The following MDGA2 variants were observed in gnomAD, a reference collection of about 807,000 sequenced individuals.
MDGA2 encodes MAM domain-containing glycosylphosphatidylinositol anchor protein 2.
MDGA2 carries 40 observed loss-of-function variants against 117.8 expected under a neutral mutation model. The observed-to-expected ratio is 0.34, with a 90% CI of 0.26 to 0.44. The LOEUF (loss-of-function observed/expected upper bound fraction) is 0.44. Ranked by LOEUF, MDGA2 falls within the 20% of genes least tolerant of loss-of-function variation. The pLI, the probability that MDGA2 is intolerant of heterozygous loss-of-function variation, is 1.00. For missense variants in MDGA2, 1,123 were observed against 1,250.6 expected, an observed-to-expected ratio of 0.90 and a Z score of 1.54; for synonymous variants, 452 against 439.0, an observed-to-expected ratio of 1.03 and a Z score of -0.37.
chr14:46,928,875 T>A (rs556363520), intron 9 of MDGA2, among the ~76,000 whole-genome samples: 10 of 152,324 alleles, frequency 6.6e-5, no homozygotes, highest in African/African-American at 2.4e-4. Context: ...ATGTTTTCTA[T>A]AAAATCATTT....
intron 1 of MDGA2, among the ~76,000 whole-genome samples, chr14:47,355,881 C>T (rs80128274): frequency 0.021 from 3,218 of 152,260 alleles, 115 homozygotes; most frequent in African/African-American, 0.073. Flanking sequence ...TTGACAGTTT[C>T]TGAATGGGAA....
At chr14:47,363,484 C>G (rs1224699540) in intron 1 of MDGA2, among the ~76,000 whole-genome samples, 1 of 152,000 alleles carries the variant, frequency 6.6e-6, no homozygotes, top group Non-Finnish European at 1.5e-5. Context: ...TCATGAACTC[C>G]GGACCTCAAG....
chr14:47,340,123 C>T lies in MDGA2; in HGVS notation c.281-38573G>A, dbSNP rs558062052. On this transcript the variant is annotated intron_variant, in intron 1 of 16. Transcript: ENST00000399232. Reference sequence around the variant, plus strand: ...ATTGCAGTGCTGTTGGCTGGCTACTCGGAGAGGCCTTCCAGAGACAATCTT... The same window carrying T: ...ATTGCAGTGCTGTTGGCTGGCTACTTGGAGAGGCCTTCCAGAGACAATCTT... Among the ~76,000 whole-genome samples the T allele has an allele frequency of 7.8e-4, 119 of 152,170 alleles. 1 individual carries two copies. Among genetic ancestry groups the T allele is most frequent in the Middle Eastern group, 6.8e-3 (2 of 294 alleles).
Position 46,841,221 on chromosome 14 carries a change from TG to T in MDGA2, c.*709del, listed in dbSNP as rs1880597280. 6.6e-6 allele frequency: 1 copy of T among 152,482 alleles called. No individual in the cohort carries two copies. Among genetic ancestry groups the T allele is most frequent in the African/African-American group, 2.4e-5 (1 of 41,400 alleles). 9.4% of individuals were successfully genotyped at this position (152,482 alleles called of 1,614,324 possible). The stretch of plus-strand genomic sequence containing the variant: ...CCGCAAGCAAACTCCGATAAGCCTG[TG>T]TAACATGTAAGCCCAGGTTTACCAT... On this transcript the variant is annotated 3_prime_UTR_variant, in exon 17 of 17. Transcript: ENST00000399232.
intron 10 of MDGA2, among the ~76,000 whole-genome samples, chr14:46,891,756 T>C (rs1480868861): frequency 6.6e-6 from 1 of 151,596 alleles, no homozygotes; most frequent in Non-Finnish European, 1.5e-5. Flanking sequence ...TATAAAATTC[T>C]AGTAACTACA....
chr14:47,223,788 G>A (rs941084852), intron 2 of MDGA2, among the ~76,000 whole-genome samples: 1 of 152,098 alleles, frequency 6.6e-6, no homozygotes, highest in African/African-American at 2.4e-5. Context: ...AAAGGAAACA[G>A]GTTTAACTGA....
At chr14:46,869,629 G>C (rs1280904394) in intron 14 of MDGA2, among the ~76,000 whole-genome samples, 1 of 151,840 alleles carries the variant, frequency 6.6e-6, no homozygotes, top group African/African-American at 2.4e-5. Flanking sequence ...GTCCTAGCAT[G>C]AACACTCTTG....
intron 1 of MDGA2, among the ~76,000 whole-genome samples, chr14:47,582,768 G>T (rs1241590268): frequency 3.3e-5 from 5 of 151,636 alleles, no homozygotes; most frequent in African/African-American, 1.2e-4. Context: ...TTTTCCTTGG[G>T]GTTTGTTTAT....
At chr14:47,183,202 C>A (rs1594703788) in intron 3 of MDGA2, among the ~76,000 whole-genome samples, 1 of 152,214 alleles carries the variant, frequency 6.6e-6, no homozygotes, top group African/African-American at 2.4e-5. Context: ...TCTACATCAG[C>A]CTTGATGTAT....
intron 1 of MDGA2, among the ~76,000 whole-genome samples, chr14:47,442,428 AG>A (rs1428877593): frequency 6.6e-6 from 1 of 152,098 alleles, no homozygotes; most frequent in East Asian, 1.9e-4. Context: ...CACAGGAGTC[AG>A]GGATGCACAT....
chr14:47,518,367 TA>T (rs1010638099), intron 1 of MDGA2, among the ~76,000 whole-genome samples: 1 of 152,182 alleles, frequency 6.6e-6, no homozygotes, highest in African/African-American at 2.4e-5. Flanking sequence ...AAATAATTTC[TA>T]AAAAAACACA....
At chr14:47,229,927 T>C (rs915934704) in intron 2 of MDGA2, among the ~76,000 whole-genome samples, 3 of 152,026 alleles carry the variant, frequency 2.0e-5, no homozygotes, top group Non-Finnish European at 4.4e-5. Flanking sequence ...AATTTGGCAC[T>C]TTTACACTTA....
intron 1 of MDGA2, among the ~76,000 whole-genome samples, chr14:47,384,876 T>C (rs1891722535): frequency 6.6e-6 from 1 of 152,178 alleles, no homozygotes; most frequent in Admixed American, 6.5e-5. Flanking sequence ...AACCAGAGAA[T>C]ACAAAGATAG....
At position 47,099,962 on chromosome 14, in the gene MDGA2, C is replaced by T. The variant is rs925414197; in HGVS notation, c.926-2839G>A. On this transcript the variant is annotated intron_variant, in intron 5 of 16. Transcript: ENST00000399232. ...GGGTGCTTAATAAATATTAGTAACA[C>T]GAGGCAGTAAATGGGAAAATGAATA... Among the ~76,000 whole-genome samples, 5 of 151,958 alleles carry T rather than the reference C, an allele frequency of 3.3e-5. No homozygotes were observed. In the East Asian group the frequency reaches 5.8e-4, roughly 18 times the overall value.
At chr14:47,475,413 G>A (rs1432140561) in intron 1 of MDGA2, among the ~76,000 whole-genome samples, 1 of 152,186 alleles carries the variant, frequency 6.6e-6, no homozygotes, top group Non-Finnish European at 1.5e-5. Flanking sequence ...AGAAGACAGT[G>A]TGGCAATTCC....
rs200386981 is a variant in MDGA2, at chr14:47,540,544, A to G, written c.280+133973T>C. 5.8e-3 allele frequency among the ~76,000 whole-genome samples: 225 copies of G among 38,816 alleles called. 4 individuals carry two copies. The highest frequency in any genetic ancestry group is 0.011 in the Middle Eastern group (1 of 88). The allele number at this position is 38,816 out of a possible 152,430, so 25.5% of individuals were successfully genotyped here. ...TATGTGTGTGTGTGTGTGTGTGTAT[A>G]TATATATATGTATATATATACACAC... On this transcript the variant is annotated intron_variant, in intron 1 of 16. Coordinates refer to ENST00000399232, the MANE Select transcript of MDGA2 (RefSeq NM_001113498.3).
At chr14:47,072,511 G>T (rs1017124202) in intron 6 of MDGA2, among the ~76,000 whole-genome samples, 11 of 152,290 alleles carry the variant, frequency 7.2e-5, no homozygotes, top group African/African-American at 2.2e-4. Context: ...GTAATTCACT[G>T]AAGTTATTTC....
intron 2 of MDGA2, among the ~76,000 whole-genome samples, chr14:47,293,179 C>T (rs973136710): frequency 6.6e-6 from 1 of 152,146 alleles, no homozygotes; most frequent in Non-Finnish European, 1.5e-5. Context: ...AAATGAGTCT[C>T]ATATAATAAA....
At chr14:46,989,237 A>G (rs530813673) in intron 8 of MDGA2, among the ~76,000 whole-genome samples, 1 of 151,764 alleles carries the variant, frequency 6.6e-6, no homozygotes, top group South Asian at 2.1e-4. Flanking sequence ...GGCTTGCTCC[A>G]TTTATATGGG....
Sources: gnomAD v4.1 joint callset for allele counts (sites outside exome capture counted in the v4.1 genomes callset) on GRCh38, gnomAD v4.1.1 for gene constraint, MANE v1.5 for transcripts, NCBI Gene and HGNC (gene_info 2026-07-23, HGNC 2026-07-21) for gene names.